The following CSNK1G3 variants were observed in gnomAD, a reference collection of about 807,000 sequenced individuals.
CSNK1G3 encodes the protein casein kinase I isoform gamma-3.
CSNK1G3 carries 23 observed loss-of-function variants against 64.3 expected under a neutral mutation model. That is an observed-to-expected ratio of 0.36 (90% CI 0.26 to 0.51). CSNK1G3 has a LOEUF of 0.51. CSNK1G3 is among the 20% of genes least tolerant of loss of function. CSNK1G3 has a pLI of 0.96. For synonymous variants in CSNK1G3, 158 were observed against 162.2 expected, an observed-to-expected ratio of 0.97 and a Z score of 0.20; for missense variants, 357 against 510.5, an observed-to-expected ratio of 0.70 and a Z score of 2.90.
intron 1 of CSNK1G3, among the ~76,000 whole-genome samples, chr5:123,516,830 T>TC (rs1290380155): frequency 5.3e-5 from 8 of 152,222 alleles, no homozygotes; most frequent in Non-Finnish European, 7.3e-5. Flanking sequence ...ATGTTTTTTT[T>TC]CTCTAGGTTA....
Position 123,538,290 on chromosome 5 carries a change from C to T in CSNK1G3, c.-247-7127C>T, listed in dbSNP as rs776356968. On this transcript the variant is annotated intron_variant, in intron 1 of 12. Coordinates refer to ENST00000345990, the Ensembl canonical transcript of CSNK1G3. ...AAAGTCATACTATTTTTTACTCCCA[C>T]CAGCACTTTTTTGAGAGTTCCAGTT... Among the ~76,000 whole-genome samples the T allele has an allele frequency of 4.8e-4, 73 of 152,136 alleles. 1 individual carries two copies. The highest frequency in any genetic ancestry group is 3.2e-3 in the Middle Eastern group (1 of 316).
chr5:123,599,369 G>A (rs1029004432), intron 10 of CSNK1G3, among the ~76,000 whole-genome samples: 4 of 152,198 alleles, frequency 2.6e-5, no homozygotes, highest in African/African-American at 9.7e-5. Flanking sequence ...GTGCAGATAT[G>A]TTGTGCAACC....
At chr5:123,591,350 C>G in exon 10 of CSNK1G3, 1 of 1,609,854 alleles carries the variant, frequency 6.2e-7, no homozygotes, top group Non-Finnish European at 8.5e-7. Flanking sequence ...CAGCAAGATC[C>G]TGCTCTGTCA....
chr5:123,594,356 CAT>C (rs1245336083), intron 10 of CSNK1G3, among the ~76,000 whole-genome samples: 1 of 152,064 alleles, frequency 6.6e-6, no homozygotes, highest in African/African-American at 2.4e-5. Context: ...CAGATTATTT[CAT>C]AGACATGGGT....
At chr5:123,557,513 G>A in exon 4 of CSNK1G3, 1 of 1,608,218 alleles carries the variant, frequency 6.2e-7, no homozygotes, top group Non-Finnish European at 8.5e-7. Flanking sequence ...GAAATCAAGA[G>A]CACCACAGCT....
intron 10 of CSNK1G3, among the ~76,000 whole-genome samples, chr5:123,600,827 A>G (rs1480122726): frequency 6.6e-6 from 1 of 151,680 alleles, no homozygotes; most frequent in East Asian, 1.9e-4. Context: ...GTTTACAATT[A>G]TGTCTCACAC....
In CSNK1G3 at chr5:123,593,671, A is replaced by T. The variant is rs78747232; in HGVS notation, c.1086+2257A>T. ...GATTTGATTTCAACTTAAGCTACAA[A>T]TCTGCTTAATTCTGGTTATGGATTT... On this transcript the variant is annotated intron_variant, in intron 10 of 12. Coordinates refer to ENST00000345990, the Ensembl canonical transcript of CSNK1G3. Among the ~76,000 whole-genome samples, 562 of 152,234 alleles carry T rather than the reference A, an allele frequency of 3.7e-3. 1 individual carries two copies. The highest frequency in any genetic ancestry group is 5.7e-3 in the Non-Finnish European group (390 of 67,966).
intron 1 of CSNK1G3, among the ~76,000 whole-genome samples, chr5:123,517,189 C>T (rs754382533): frequency 1.3e-5 from 2 of 152,140 alleles, no homozygotes; most frequent in South Asian, 2.1e-4. Context: ...TTAACCCACT[C>T]GTGAGATTAA....
At chr5:123,541,457 C>T (rs1330081589) in intron 1 of CSNK1G3, among the ~76,000 whole-genome samples, 1 of 152,118 alleles carries the variant, frequency 6.6e-6, no homozygotes, top group Non-Finnish European at 1.5e-5. Context: ...GAGACAGGGT[C>T]TCATTCTGCT....
At chr5:123,605,244 C>T in intron 11 of CSNK1G3, 95 bp from the exon 13 acceptor site, 1 of 1,101,268 alleles carries the variant, frequency 9.1e-7, no homozygotes, top group Non-Finnish European at 1.3e-6. Flanking sequence ...AAAAATTAAG[C>T]ATGAAAAACA....
At chr5:123,563,968 C>A (rs537500710) in intron 4 of CSNK1G3, among the ~76,000 whole-genome samples, 2 of 152,064 alleles carry the variant, frequency 1.3e-5, no homozygotes, top group South Asian at 4.2e-4. Flanking sequence ...TCTTAGAATT[C>A]CTTTTTCTGT....
intron 1 of CSNK1G3, among the ~76,000 whole-genome samples, chr5:123,539,664 G>C (rs936253536): frequency 2.0e-5 from 3 of 152,036 alleles, no homozygotes; most frequent in Non-Finnish European, 4.4e-5. Flanking sequence ...TTTTTGTCAG[G>C]CTTTTGTATT....
chr5:123,615,505 C>G (rs993068627), exon 13 of CSNK1G3: 2 of 152,528 alleles, frequency 1.3e-5, no homozygotes, highest in Admixed American at 6.6e-5. Flanking sequence ...TTTTCCTACT[C>G]TTTAGCATAA....
intron 12 of CSNK1G3, among the ~76,000 whole-genome samples, chr5:123,606,577 G>T (rs563129792): frequency 1.3e-5 from 2 of 152,102 alleles, no homozygotes; most frequent in Non-Finnish European, 2.9e-5. Context: ...CTGGTATTTT[G>T]TCTGGCACAC....
At chr5:123,551,533 T>C (rs1783651388) in intron 2 of CSNK1G3, among the ~76,000 whole-genome samples, 1 of 152,236 alleles carries the variant, frequency 6.6e-6, no homozygotes, top group Non-Finnish European at 1.5e-5. Flanking sequence ...TTTTTGCCCT[T>C]TATTTTCTCT....
At chr5:123,548,520 A>C (rs188746412) in intron 2 of CSNK1G3, among the ~76,000 whole-genome samples, 2 of 151,602 alleles carry the variant, frequency 1.3e-5, no homozygotes, top group Admixed American at 1.3e-4. Flanking sequence ...TTGAAATAAT[A>C]ATTTTAAATT....
At chr5:123,608,968 T>G (rs1166634598) in intron 12 of CSNK1G3, among the ~76,000 whole-genome samples, 1 of 152,120 alleles carries the variant, frequency 6.6e-6, no homozygotes, top group African/African-American at 2.4e-5. Flanking sequence ...GAAGTCCTCA[T>G]GGGTAAGGAT....
At chr5:123,571,787 G>A (rs1788162695) in intron 4 of CSNK1G3, among the ~76,000 whole-genome samples, 2 of 152,084 alleles carry the variant, frequency 1.3e-5, no homozygotes, top group South Asian at 2.1e-4. Context: ...TCACTTGGAA[G>A]TAAAACTGAG....
At chr5:123,517,176 T>C (rs974640339) in intron 1 of CSNK1G3, among the ~76,000 whole-genome samples, 2 of 152,332 alleles carry the variant, frequency 1.3e-5, no homozygotes, top group South Asian at 4.1e-4. Flanking sequence ...ACCTGACCTC[T>C]GCTTAACCCA....
Sources: gnomAD v4.1 joint callset for allele counts (sites outside exome capture counted in the v4.1 genomes callset) on GRCh38, gnomAD v4.1.1 for gene constraint, MANE v1.5 for transcripts, NCBI Gene and HGNC (gene_info 2026-07-23, HGNC 2026-07-21) for gene names.